Variants in TKTL1 observed in about 807,000 individuals in gnomAD.
TKTL1 encodes the protein transketolase-like protein 1.
In TKTL1, 1 loss-of-function variant was observed where a neutral mutation model predicts 39.3. That is an observed-to-expected ratio of 0.03 (90% confidence interval 0.01 to 0.12). The LOEUF (loss-of-function observed/expected upper bound fraction) is 0.12, where lower values mean the gene tolerates loss of function less well. Ranked by LOEUF, TKTL1 falls within the 10% of genes least tolerant of loss-of-function variation. TKTL1 has a pLI of 1.00. For missense variants in TKTL1, 575 were observed against 509.6 expected (o/e 1.13, Z -1.24); for synonymous variants, 262 against 193.8 (o/e 1.35, Z -2.92).
intron 1 of TKTL1, among the ~76,000 whole-genome samples, chrX:154,300,588 T>A (rs942302449): frequency 1.8e-5 from 2 of 112,177 alleles, no homozygotes; most frequent in Non-Finnish European, 3.8e-5. Flanking sequence ...TGGTCGTTGT[T>A]GGTGTAGTGC....
At chrX:154,306,893 A>G (rs2067319077) in intron 2 of TKTL1, among the ~76,000 whole-genome samples, 1 of 111,145 alleles carries the variant, frequency 9.0e-6, no homozygotes, top group Admixed American at 9.6e-5. Context: ...CTGCCTCCCA[A>G]AGTGCTGGGA....
chrX:154,298,898 T>A (rs1046068683), intron 1 of TKTL1, among the ~76,000 whole-genome samples: 1 of 109,821 alleles, frequency 9.1e-6, no homozygotes, highest in East Asian at 2.8e-4. Flanking sequence ...AGGCTAGAGA[T>A]GGGGTTTCTC....
intron 1 of TKTL1, among the ~76,000 whole-genome samples, chrX:154,300,345 T>A (rs1250749060): frequency 8.9e-6 from 1 of 112,447 alleles, no homozygotes; most frequent in African/African-American, 3.2e-5. Context: ...TTGCATTGAA[T>A]CTGTAGATTG....
At chrX:154,310,724 A>G (rs1557168135) in intron 3 of TKTL1, 112 bp from the exon 4 acceptor site, 44 of 633,467 alleles carry the variant, frequency 6.9e-5, no homozygotes, top group Non-Finnish European at 1.0e-4. Flanking sequence ...TGGGAAGCGA[A>G]TGGTCTGGAG....
At chrX:154,321,452 C>T (rs1428241679) in intron 8 of TKTL1, among the ~76,000 whole-genome samples, 1 of 82,283 alleles carries the variant, frequency 1.2e-5, no homozygotes, top group Non-Finnish European at 2.2e-5. Context: ...CCACAGGAAA[C>T]GGGAAGCCAG....
At position 154,327,867 on chromosome X, in the gene TKTL1, T is replaced by C; in HGVS notation, c.1527T>C (p.Phe509=). Residue 509 remains phenylalanine (F), a synonymous_variant, in exon 12 of 13, where the codon TTT becomes TTC. Transcript: ENST00000369915. ...QDIFIRVIDL[F]TIKPLDVATI... ...TTTTTATCCGTGTCATCGACCTGTT[T>C]ACCATTAAACCTCTGGATGTCGCCA... is the stretch of plus-strand genomic sequence containing the variant. 2 of 1,212,032 alleles carry C rather than the reference T, an allele frequency of 1.7e-6. No individual in the cohort carries two copies. Among genetic ancestry groups the C allele is most frequent in the Non-Finnish European group, 1.1e-6 (1 of 895,499 alleles).
rs782319943 is a variant in TKTL1, at chrX:154,327,701, G to GTA, written c.1498+16_1498+17dup. On this transcript the variant is annotated intron_variant, in intron 11 of 12. Coordinates refer to ENST00000369915, the MANE Select transcript of TKTL1 (RefSeq NM_012253.4). ...TTTCGAAACAAGGTCAGTTGGTTGA[G>GTA]TATGAGCATTGAAGTTCAAGCTGGG... The GTA allele has an allele frequency of 1.3e-5, 16 of 1,203,976 alleles. No homozygotes were observed. Among genetic ancestry groups the GTA allele is most frequent in the African/African-American group, 1.1e-4 (6 of 57,008 alleles).
At chrX:154,304,949 C>T (rs1557166835) in intron 1 of TKTL1, 1 of 923,925 alleles carries the variant, frequency 1.1e-6, no homozygotes, top group South Asian at 2.1e-5. Flanking sequence ...AGAATGGGAT[C>T]TTCATGGCAT....
Position 154,299,149 on chromosome X carries a change from C to CTT in TKTL1, c.134+3178_134+3179dup, listed in dbSNP as rs1180562974. On this transcript the variant is annotated intron_variant, in intron 1 of 12. Transcript: ENST00000369915. ...GGGATTTTTCATTTTCTTTTTCTTTCTTTTTTTTTTTTTTTTTTTTTTTGA... is the reference window on the plus strand; with the variant it reads ...GGGATTTTTCATTTTCTTTTTCTTTCTTTTTTTTTTTTTTTTTTTTTTTTTGA... 5.9e-3 allele frequency among the ~76,000 whole-genome samples: 212 copies of CTT among 35,858 alleles called. 1 individual carries two copies. Among genetic ancestry groups the CTT allele is most frequent in the African/African-American group, 7.4e-3 (70 of 9,514 alleles). The allele number at this position is 35,858 out of a possible 115,157, so 31.1% of individuals were successfully genotyped here. A position where few individuals can be genotyped will look rare whatever the true frequency, so the allele number is the denominator to read the frequency against.
intron 12 of TKTL1, among the ~76,000 whole-genome samples, chrX:154,329,001 C>T (rs1557172614): frequency 8.9e-6 from 1 of 112,457 alleles, no homozygotes; most frequent in African/African-American, 3.2e-5. Context: ...GACTTGGCAC[C>T]TCAAGTGTGT....
chrX:154,296,636 G>A (rs1243392447), intron 1 of TKTL1, among the ~76,000 whole-genome samples: 1 of 111,458 alleles, frequency 9.0e-6, no homozygotes, highest in African/African-American at 3.3e-5. Flanking sequence ...AGGGATATTG[G>A]TCTCTAGTTG....
At chrX:154,319,631 C>T (rs1245417085) in intron 7 of TKTL1, among the ~76,000 whole-genome samples, 3 of 109,627 alleles carry the variant, frequency 2.7e-5, no homozygotes, top group Non-Finnish European at 3.8e-5. Context: ...CCCAGCTACT[C>T]GGGAGGCAGA....
At position 154,315,246 on chromosome X, in the gene TKTL1, A is replaced by T. The variant is rs1557169119; in HGVS notation, c.938A>T (p.Asp313Val). ...GCGAACAACAGAGTCGTTGTGCTGG[A>T]TGGTGACACCAGGTACTCTACTTTC... ...GYANNRVVVL[D>V]GDTRYSTFSE... Residue 313 changes from aspartate to valine, a missense_variant, in exon 7 of 13, where the codon GAT becomes GTT. Transcript: ENST00000369915. 2.5e-6 allele frequency: 3 copies of T among 1,211,122 alleles called. No homozygotes were observed. The highest frequency in any genetic ancestry group is 3.0e-5 in the East Asian group (1 of 33,837).
At chrX:154,319,878 G>C (rs2067434935) in intron 7 of TKTL1, among the ~76,000 whole-genome samples, 2 of 112,240 alleles carry the variant, frequency 1.8e-5, no homozygotes, top group Admixed American at 9.4e-5. Flanking sequence ...TGTATCCGCA[G>C]AGAGGTTTGT....
In TKTL1 at chrX:154,325,388, C is replaced by A; in HGVS notation, c.1367C>A (p.Thr456Asn). The change falls in exon 10 of 13, where the codon ACC becomes AAC. Residue 456 changes from threonine to asparagine, a missense_variant. Coordinates refer to ENST00000369915, the MANE Select transcript of TKTL1 (RefSeq NM_012253.4). ...TTRPETMVIY[T>N]PQERFEIGQA... ...CGACCAGAAACTATGGTTATTTACACCCCACAAGAACGCTTTGAGATCGGA... is the reference window on the plus strand; with the variant it reads ...CGACCAGAAACTATGGTTATTTACAACCCACAAGAACGCTTTGAGATCGGA... 9.1e-6 allele frequency: 11 copies of A among 1,211,892 alleles called. No individual in the cohort carries two copies. The highest frequency in any genetic ancestry group is 1.1e-5 in the Non-Finnish European group (10 of 895,337).
At chrX:154,296,037 C>A in intron 1 of TKTL1, 44 bp downstream of exon 1, 1 of 1,196,729 alleles carries the variant, frequency 8.4e-7, no homozygotes, top group Non-Finnish European at 1.1e-6. Context: ...GGGCCACGGG[C>A]CCGGTGGCTT....
chrX:154,307,300 G>C (rs2067322870), intron 2 of TKTL1, among the ~76,000 whole-genome samples: 1 of 111,678 alleles, frequency 9.0e-6, no homozygotes, highest in Non-Finnish European at 1.9e-5. Context: ...CTTTCTATCG[G>C]GCAGCAGCAC....
At chrX:154,328,109 C>G (rs1255294043) in intron 12 of TKTL1, 151 bp downstream of exon 12, 4 of 755,120 alleles carry the variant, frequency 5.3e-6, no homozygotes, top group Non-Finnish European at 7.8e-6. Flanking sequence ...GGGCCATACT[C>G]ATACACATCT....
chrX:154,325,201 T>A, intron 9 of TKTL1, 138 bp from the exon 10 acceptor site: 1 of 581,129 alleles, frequency 1.7e-6, no homozygotes, highest in Non-Finnish European at 2.8e-6. Flanking sequence ...TGGTTGTAGA[T>A]GCTCACCCCT....
Sources: gnomAD v4.1 joint callset for allele counts (sites outside exome capture counted in the v4.1 genomes callset) on GRCh38, gnomAD v4.1.1 for gene constraint, MANE v1.5 for transcripts, NCBI Gene and HGNC (gene_info 2026-07-23, HGNC 2026-07-21) for gene names.